The following PSMA1 variants were observed in gnomAD, a reference collection of about 807,000 sequenced individuals.
PSMA1 encodes the protein proteasome subunit alpha type-1.
Under a neutral mutation model 38.4 loss-of-function variants are expected in PSMA1, and 3 were observed. The observed-to-expected ratio is 0.08, with a 90% confidence interval of 0.04 to 0.20. The LOEUF (loss-of-function observed/expected upper bound fraction) is 0.20, where lower values mean the gene tolerates loss of function less well. Ranked by LOEUF, PSMA1 falls within the 10% of genes least tolerant of loss-of-function variation. The pLI, the probability that PSMA1 is intolerant of heterozygous loss-of-function variation, is 1.00. For synonymous variants in PSMA1, 101 were observed against 107.1 expected (o/e 0.94, Z 0.35); for missense variants, 227 against 325.3 (o/e 0.70, Z 2.32).
intron 1 of PSMA1, among the ~76,000 whole-genome samples, chr11:14,641,640 G>A (rs1385692841): frequency 1.3e-5 from 2 of 152,174 alleles, no homozygotes; most frequent in Non-Finnish European, 2.9e-5. Flanking sequence ...GCTAAAAGGC[G>A]GCTAGAGAAT....
chr11:14,513,474 A>C (rs1851376301), intron 7 of PSMA1, 96 bp downstream of exon 7: 1 of 1,212,604 alleles, frequency 8.2e-7, no homozygotes, highest in Non-Finnish European at 1.1e-6. Context: ...TTTCTATAAG[A>C]CTTACAGTTT....
chr11:14,641,010 A>C (rs984442638), intron 1 of PSMA1, among the ~76,000 whole-genome samples: 1 of 152,184 alleles, frequency 6.6e-6, no homozygotes, highest in African/African-American at 2.4e-5. Context: ...GTAAACCAGG[A>C]GAGTGGAGAG....
upstream of PSMA1, among the ~76,000 whole-genome samples, chr11:14,524,786 G>A (rs1006345419): frequency 2.0e-5 from 3 of 152,094 alleles, no homozygotes; most frequent in African/African-American, 7.2e-5. Flanking sequence ...CTATGACCTC[G>A]GGTCCTCAGA....
chr11:14,567,334 G>A (rs547897643), intron 2 of PSMA1, among the ~76,000 whole-genome samples: 1 of 152,330 alleles, frequency 6.6e-6, no homozygotes, highest in South Asian at 2.1e-4. Flanking sequence ...ATAAAGATGA[G>A]ACATTTGGCT....
chr11:14,611,033 G>A, exon 2 of PSMA1: 1 of 1,584,948 alleles, frequency 6.3e-7, no homozygotes. Flanking sequence ...TACAACATAG[G>A]TCTGGATTTG....
intron 1 of PSMA1, among the ~76,000 whole-genome samples, chr11:14,641,297 G>A (rs1853198290): frequency 6.6e-6 from 1 of 152,014 alleles, no homozygotes; most frequent in Non-Finnish European, 1.5e-5. Flanking sequence ...GACAGATAAT[G>A]GTCATAAATT....
At chr11:14,535,239 T>C (rs1851691115) in intron 2 of PSMA1, among the ~76,000 whole-genome samples, 1 of 151,656 alleles carries the variant, frequency 6.6e-6, no homozygotes, top group African/African-American at 2.4e-5. Flanking sequence ...AGAATAACAA[T>C]TTAGAGTTAT....
intron 2 of PSMA1, among the ~76,000 whole-genome samples, chr11:14,591,572 A>G (rs1472807279): frequency 6.6e-6 from 1 of 152,098 alleles, no homozygotes; most frequent in South Asian, 2.1e-4. Context: ...TAGCTCAGGG[A>G]TTGTAAACAT....
chr11:14,533,459 T>G (rs1304318030), intron 2 of PSMA1, among the ~76,000 whole-genome samples: 1 of 152,216 alleles, frequency 6.6e-6, no homozygotes, highest in Non-Finnish European at 1.5e-5. Flanking sequence ...AGGTACCCCA[T>G]GTGGCTTTCC....
chr11:14,633,263 T>C (rs1047892763), intron 1 of PSMA1, among the ~76,000 whole-genome samples: 11 of 152,162 alleles, frequency 7.2e-5, no homozygotes, highest in Non-Finnish European at 1.5e-4. Flanking sequence ...CCCATCTTTG[T>C]GGTTTTTATC....
intron 2 of PSMA1, among the ~76,000 whole-genome samples, chr11:14,608,166 C>T (rs1852665463): frequency 6.6e-6 from 1 of 152,082 alleles, no homozygotes; most frequent in Non-Finnish European, 1.5e-5. Flanking sequence ...ACTTGGGCAA[C>T]ATGGTGAGAC....
At chr11:14,598,614 C>CT (rs34131675) in intron 2 of PSMA1, among the ~76,000 whole-genome samples, 86,483 of 148,366 alleles carry the variant, frequency 0.58, 25,462 homozygotes, top group Middle Eastern at 0.67. Flanking sequence ...TCCTCCTTCC[C>CT]TTATTTTGAG....
intron 2 of PSMA1, among the ~76,000 whole-genome samples, chr11:14,556,786 G>T (rs1163370552): frequency 6.6e-6 from 1 of 152,182 alleles, no homozygotes; most frequent in African/African-American, 2.4e-5. Flanking sequence ...AGTTGCTCTA[G>T]CACTATTTGT....
rs542733619 is a variant in PSMA1 at position 14,589,852 on chromosome 11, C to T, written c.21+21114G>A. 2.8e-4 allele frequency among the ~76,000 whole-genome samples: 43 copies of T among 152,216 alleles called. No homozygotes were observed. In the South Asian group the frequency reaches 6.2e-3, roughly 22 times the overall value. ...TGGCATCATCCTGCACAGTGTCCAA[C>T]GCTGTACACTCGATTAGGAGGGAGT... On this transcript the variant is annotated intron_variant, in intron 2 of 10. Transcript: ENST00000418988.
chr11:14,575,944 T>C (rs986029453), intron 2 of PSMA1, among the ~76,000 whole-genome samples: 2 of 152,212 alleles, frequency 1.3e-5, no homozygotes, highest in African/African-American at 4.8e-5. Flanking sequence ...TTTTTAATGA[T>C]CACCATTCTA....
chr11:14,565,372 T>C (rs1215211878), intron 2 of PSMA1, among the ~76,000 whole-genome samples: 1 of 152,232 alleles, frequency 6.6e-6, no homozygotes, highest in African/African-American at 2.4e-5. Context: ...CTCTATTCTT[T>C]GTTTTTCACT....
intron 1 of PSMA1, among the ~76,000 whole-genome samples, chr11:14,621,483 C>A (rs974973513): frequency 6.6e-6 from 1 of 152,006 alleles, no homozygotes; most frequent in Non-Finnish European, 1.5e-5. Context: ...GTTGCCCAGG[C>A]TGGTCTCAAA....
At chr11:14,638,571 ATATATATATATATATTTTTTTTTTTT>A (rs1853152791) in intron 1 of PSMA1, among the ~76,000 whole-genome samples, 1 of 12,496 alleles carries the variant, frequency 8.0e-5, no homozygotes, top group African/African-American at 3.2e-4. Flanking sequence ...ATATATATAT[ATATATATATATATATTTTTTTTTTTT>A]TTTTTTTTTT....
chr11:14,556,132 T>C (rs561967515), intron 2 of PSMA1, among the ~76,000 whole-genome samples: 9 of 152,216 alleles, frequency 5.9e-5, no homozygotes, highest in Non-Finnish European at 8.8e-5. Flanking sequence ...TTTCCTTAGA[T>C]CTCCTATATT....
Sources: allele counts gnomAD v4.1 joint callset (sites outside exome capture counted in the v4.1 genomes callset), GRCh38; gene constraint gnomAD v4.1.1; transcripts MANE v1.5; gene names NCBI Gene and HGNC (gene_info 2026-07-23, HGNC 2026-07-21).